Variants in CCDC148 observed in about 807,000 individuals in gnomAD.
CCDC148 encodes coiled-coil domain containing 148, also known as coiled-coil domain-containing protein 148.
A neutral mutation model predicts 85.7 loss-of-function variants in CCDC148; 89 were observed. The observed-to-expected ratio is 1.04, with a 90% CI of 0.87 to 1.24. The LOEUF (loss-of-function observed/expected upper bound fraction) is 1.24, where lower values mean the gene tolerates loss of function less well. CCDC148 is among the 50% of genes most tolerant of loss of function. The pLI, the probability that CCDC148 is intolerant of heterozygous loss-of-function variation, is 0.00. For missense variants in CCDC148, 692 were observed against 671.7 expected (o/e 1.03, Z -0.33); for synonymous variants, 230 against 213.9 (o/e 1.08, Z -0.66).
rs369288646 is a variant in CCDC148, at chr2:158,402,293, C to T, written c.26-43723G>A. The stretch of plus-strand genomic sequence containing the variant: ...TTTGTACTGTTCACTGCATTATGTT[C>T]AGAAATTTCACATCATTCACCACAT... On this transcript the variant is annotated intron_variant, in intron 1 of 13. Coordinates refer to ENST00000283233, the MANE Select transcript of CCDC148 (RefSeq NM_138803.4). 9.9e-5 allele frequency among the ~76,000 whole-genome samples: 15 copies of T among 152,138 alleles called. 2 individuals are homozygous for T. The highest frequency in any genetic ancestry group is 6.6e-4 in the Admixed American group (10 of 15,250).
chr2:158,223,352 AAGG>A (rs1029618853), intron 10 of CCDC148, among the ~76,000 whole-genome samples: 1 of 152,214 alleles, frequency 6.6e-6, no homozygotes, highest in African/African-American at 2.4e-5. Context: ...ACTGCAGCTC[AAGG>A]AGGCCTGTCT....
At chr2:158,400,729 G>C (rs1227844737) in intron 1 of CCDC148, among the ~76,000 whole-genome samples, 1 of 152,144 alleles carries the variant, frequency 6.6e-6, no homozygotes, top group African/African-American at 2.4e-5. Context: ...AAAATAAAGA[G>C]CTTCTGCACA....
intron 1 of CCDC148, among the ~76,000 whole-genome samples, chr2:158,401,013 G>A (rs989370962): frequency 6.6e-5 from 10 of 152,066 alleles, no homozygotes; most frequent in East Asian, 1.9e-4. Context: ...ATCATCTCAC[G>A]CCAGTTAGAA....
intron 2 of CCDC148, among the ~76,000 whole-genome samples, chr2:158,351,228 T>C (rs375252477): frequency 1.3e-5 from 2 of 152,118 alleles, no homozygotes; most frequent in Admixed American, 6.5e-5. Context: ...GGGCTGACCA[T>C]AGCCCAAGAT....
At chr2:158,372,240 T>G (rs561118916) in intron 1 of CCDC148, among the ~76,000 whole-genome samples, 15 of 152,116 alleles carry the variant, frequency 9.9e-5, no homozygotes, top group Admixed American at 9.2e-4. Context: ...TTTCCAGAAT[T>G]TTTTTGGGGC....
chr2:158,410,482 T>G (rs1686210303), intron 1 of CCDC148, among the ~76,000 whole-genome samples: 1 of 152,192 alleles, frequency 6.6e-6, no homozygotes, highest in Non-Finnish European at 1.5e-5. Context: ...TTTGTAGTAA[T>G]TTGGTTTGAT....
chr2:158,295,355 T>C (rs942171104), intron 9 of CCDC148, among the ~76,000 whole-genome samples: 5 of 152,028 alleles, frequency 3.3e-5, no homozygotes, highest in African/African-American at 1.2e-4. Context: ...AAAGAGGGAA[T>C]CCTCCCTAAC....
At chr2:158,304,086 A>G (rs2105202618) in intron 9 of CCDC148, among the ~76,000 whole-genome samples, 1 of 152,238 alleles carries the variant, frequency 6.6e-6, no homozygotes. Context: ...TGGGTTAGAG[A>G]GGTCCGTGGT....
chr2:158,421,872 A>G (rs1285933286), intron 1 of CCDC148, among the ~76,000 whole-genome samples: 1 of 152,118 alleles, frequency 6.6e-6, no homozygotes, highest in African/African-American at 2.4e-5. Context: ...AGAGAGAAGA[A>G]TCAAATAGAC....
At chr2:158,449,511 G>A (rs1480316806) in intron 1 of CCDC148, among the ~76,000 whole-genome samples, 2 of 151,698 alleles carry the variant, frequency 1.3e-5, no homozygotes, top group Non-Finnish European at 2.9e-5. Context: ...GCAGTGGTAG[G>A]ATCTCGGCTC....
intron 1 of CCDC148, among the ~76,000 whole-genome samples, chr2:158,427,710 A>T (rs1687140824): frequency 1.3e-5 from 2 of 152,262 alleles, no homozygotes; most frequent in African/African-American, 4.8e-5. Flanking sequence ...TCTCTAAAAA[A>T]AACACAAAAA....
rs375676902 is a variant in CCDC148, at chr2:158,355,334, T to C, written c.147+3115A>G. On this transcript the variant is annotated intron_variant, in intron 2 of 13. Transcript: ENST00000283233. ...TGATTGTTTATCTAGAAAACCCCAT[T>C]GTCTCAGCCCAAAATCTCCTTAAGC... Among the ~76,000 whole-genome samples the C allele has an allele frequency of 7.5e-4, 114 of 151,984 alleles. 2 individuals are homozygous for C. In the East Asian group the frequency reaches 0.02, roughly 27 times the overall value.
At chr2:158,297,101 C>A (rs1390312715) in intron 9 of CCDC148, among the ~76,000 whole-genome samples, 1 of 152,120 alleles carries the variant, frequency 6.6e-6, no homozygotes, top group East Asian at 1.9e-4. Context: ...GCACAATTGA[C>A]CACACCAAAA....
intron 10 of CCDC148, among the ~76,000 whole-genome samples, chr2:158,229,332 T>C (rs1332720029): frequency 6.6e-6 from 1 of 152,198 alleles, no homozygotes; most frequent in Non-Finnish European, 1.5e-5. Flanking sequence ...CTAATTAATA[T>C]ACTTTTCTTC....
chr2:158,326,139 A>G (rs1322901810), intron 7 of CCDC148, among the ~76,000 whole-genome samples: 1 of 151,476 alleles, frequency 6.6e-6, no homozygotes, highest in African/African-American at 2.4e-5. Context: ...ACCTTCTACT[A>G]CTCTCCAGAT....
At chr2:158,446,456 C>A (rs1428866730) in intron 1 of CCDC148, among the ~76,000 whole-genome samples, 2 of 151,850 alleles carry the variant, frequency 1.3e-5, no homozygotes, top group Non-Finnish European at 2.9e-5. Flanking sequence ...GTTTTCCTCA[C>A]AAAGTTTTTT....
intron 9 of CCDC148, among the ~76,000 whole-genome samples, chr2:158,272,919 A>G (rs1200482574): frequency 6.6e-6 from 1 of 152,230 alleles, no homozygotes; most frequent in Non-Finnish European, 1.5e-5. Context: ...CACAATGTAT[A>G]CATACAGCAT....
intron 11 of CCDC148, among the ~76,000 whole-genome samples, chr2:158,193,428 G>A (rs1352940751): frequency 6.6e-6 from 1 of 152,054 alleles, no homozygotes; most frequent in Non-Finnish European, 1.5e-5. Flanking sequence ...AGTCCTAGGA[G>A]GGTATGGCTT....
At chr2:158,366,789 A>G (rs1684224165) in intron 1 of CCDC148, among the ~76,000 whole-genome samples, 1 of 152,094 alleles carries the variant, frequency 6.6e-6, no homozygotes, top group Non-Finnish European at 1.5e-5. Context: ...TTTCACAGGT[A>G]AAGATGCCTG....
Sources: allele counts gnomAD v4.1 joint callset (sites outside exome capture counted in the v4.1 genomes callset), GRCh38; gene constraint gnomAD v4.1.1; transcripts MANE v1.5; gene names NCBI Gene and HGNC (gene_info 2026-07-23, HGNC 2026-07-21).